Variants in IGF2R observed in about 807,000 individuals in gnomAD.
IGF2R encodes cation-independent mannose-6-phosphate receptor.
A neutral mutation model predicts 270.6 loss-of-function variants in IGF2R; 91 were observed. The observed-to-expected ratio is 0.34, with a 90% CI of 0.28 to 0.40. The LOEUF (loss-of-function observed/expected upper bound fraction) is 0.40. Among genes scored for constraint, IGF2R ranks in the 10% least tolerant of loss-of-function variants. The probability of loss-of-function intolerance (pLI) is 1.00; values close to 1 mark genes in which losing one functional copy is unlikely to be tolerated. For missense variants in IGF2R, 2,805 were observed against 3,188.3 expected (o/e 0.88, Z 2.90); for synonymous variants, 1,316 against 1,258.9 (o/e 1.05, Z -0.96).
At chr6:160,103,936 A>G in intron 47 of IGF2R, 121 bp downstream of exon 47, 1 of 657,830 alleles carries the variant, frequency 1.5e-6, no homozygotes, top group Non-Finnish European at 2.7e-6. Flanking sequence ...GAATCCAGAA[A>G]GGAAAGCAAC....
chr6:160,062,940 G>A (rs1198681380), intron 26 of IGF2R, among the ~76,000 whole-genome samples: 2 of 137,062 alleles, frequency 1.5e-5, no homozygotes, highest in Non-Finnish European at 3.2e-5. Context: ...CTAGAAAGCT[G>A]TTTGCCAGGC....
intron 1 of IGF2R, among the ~76,000 whole-genome samples, chr6:159,974,648 A>G (rs766699610): frequency 6.6e-6 from 1 of 152,180 alleles, no homozygotes; most frequent in Non-Finnish European, 1.5e-5. Context: ...TATCCTGGGC[A>G]TTGTAGGATG....
rs1282269664 is a variant in IGF2R at position 160,105,704 on chromosome 6, G to C, written c.*620G>C. 4 of 152,854 alleles carry C rather than the reference G, an allele frequency of 2.6e-5. No individual in the cohort carries two copies. Among genetic ancestry groups the C allele is most frequent in the Non-Finnish European group, 4.4e-5 (3 of 68,314 alleles). 9.5% of individuals were successfully genotyped at this position (152,854 alleles called of 1,614,324 possible). A position where few individuals can be genotyped will look rare whatever the true frequency, so the allele number is the denominator to read the frequency against. ...CTGTTTCTTAAGGGCACACACACGTGCGTGCGAGCACACACACACATACGT... is the reference window on the plus strand; with the variant it reads ...CTGTTTCTTAAGGGCACACACACGTCCGTGCGAGCACACACACACATACGT... On this transcript the variant is annotated 3_prime_UTR_variant, in exon 48 of 48. Transcript: ENST00000356956.
chr6:159,996,827 T>C (rs1784061063), intron 2 of IGF2R, among the ~76,000 whole-genome samples: 1 of 152,184 alleles, frequency 6.6e-6, no homozygotes, highest in African/African-American at 2.4e-5. Flanking sequence ...AGGAATGCTG[T>C]GGGTCCGTGT....
In IGF2R at chr6:160,057,007, A is replaced by G. The variant is rs183811032; in HGVS notation, c.2796+482A>G. Among the ~76,000 whole-genome samples the G allele has an allele frequency of 1.4e-4, 21 of 152,200 alleles. No individual in the cohort carries two copies. In the East Asian group the frequency reaches 3.9e-3, roughly 28 times the overall value. ...GCCTGTGTGTCTCTCACCTGTGCAT[A>G]GGCCAGAGCCCACAGGTGTTAATGT... On this transcript the variant is annotated intron_variant, in intron 20 of 47. Transcript: ENST00000356956.
chr6:160,099,124 C>T (rs1327461078), intron 45 of IGF2R, among the ~76,000 whole-genome samples: 1 of 152,162 alleles, frequency 6.6e-6, no homozygotes, highest in East Asian at 1.9e-4. Flanking sequence ...TTATTGATGA[C>T]AAGACCCACC....
chr6:160,104,576 G>C, intron 47 of IGF2R, 98 bp from the exon 48 acceptor site: 1 of 1,297,256 alleles, frequency 7.7e-7, no homozygotes, highest in South Asian at 1.4e-5. Context: ...TTCTTCCCCA[G>C]CTCGTGCCAG....
At position 160,064,406 on chromosome 6, in the gene IGF2R, C is replaced by A; in HGVS notation, c.3892C>A (p.Leu1298Met). ...PQGFHKVAGL[L>M]TQKLTYENGL... ...AATGTTCTCCTTCTTTACAGGTCTC[C>A]TGACTCAGAAGCTAACTTATGAAAA... is the stretch of plus-strand genomic sequence containing the variant. Residue 1298 changes from leucine to methionine, a missense_variant, in exon 28 of 48, where the codon CTG becomes ATG. This residue lies in a region of IGF2R where 1,851 missense variants were observed against 2,207.2 expected (regional missense o/e 0.84). Transcript: ENST00000356956. The A allele has an allele frequency of 6.2e-7, 1 of 1,614,136 alleles. No homozygotes were observed. Among genetic ancestry groups the A allele is most frequent in the East Asian group, 2.2e-5 (1 of 44,882 alleles).
chr6:160,021,435 G>A (rs982305462), intron 4 of IGF2R, among the ~76,000 whole-genome samples: 12 of 116,842 alleles, frequency 1.0e-4, no homozygotes, highest in African/African-American at 4.1e-4. Context: ...ACACACCTGG[G>A]ACTGTTGTGG....
chr6:160,072,671 G>A, intron 32 of IGF2R, 94 bp from the exon 33 acceptor site: 1 of 1,410,254 alleles, frequency 7.1e-7, no homozygotes, highest in Admixed American at 1.7e-5. Context: ...AAGTCCCGAT[G>A]CTGACATAAT....
At chr6:160,093,485 CT>C in intron 44 of IGF2R, 1 of 530,056 alleles carries the variant, frequency 1.9e-6, no homozygotes. Context: ...AGGAGACTGG[CT>C]TTTCCCACAG....
chr6:160,104,895 A>G lies in IGF2R; in HGVS notation c.7287A>G (p.Ala2429=). Residue 2429 remains alanine (A), a synonymous_variant, in exon 48 of 48, where the codon GCA becomes GCG. Coordinates refer to ENST00000356956, the MANE Select transcript of IGF2R (RefSeq NM_000876.4). ...VKVHSGRGAG[A]ESSHPVRNAQ... The stretch of plus-strand genomic sequence containing the variant: ...TTCACTCGGGCAGGGGAGCTGGGGC[A>G]GAGAGCTCCCACCCAGTGAGAAACG... The G allele has an allele frequency of 6.2e-7, 1 of 1,614,170 alleles. No individual in the cohort carries two copies. Among genetic ancestry groups the G allele is most frequent in the Non-Finnish European group, 8.5e-7 (1 of 1,180,006 alleles).
In IGF2R at chr6:160,040,715, C is replaced by T. The variant is rs766649241; in HGVS notation, c.1471C>T (p.Arg491Cys). The T allele has an allele frequency of 8.7e-6, 14 of 1,613,344 alleles. No individual in the cohort carries two copies. Among genetic ancestry groups the T allele is most frequent in the East Asian group, 6.7e-5 (3 of 44,868 alleles). The change falls in exon 11 of 48, where the codon CGC becomes TGC. Residue 491 changes from arginine (R) to cysteine (C), a missense_variant. Arg to Cys is a radical substitution (Grantham distance 180, BLOSUM62 -3). This residue lies in a region of IGF2R where 954 missense variants were observed against 981.1 expected (regional missense o/e 0.97). Transcript: ENST00000356956. ...KKRYDLSALV[R>C]HAEPEQNWEA... ...GCGCTATGACCTGTCCGCGCTGGTCCGCCATGCAGGTACTGCCCTCCTTGC... is the reference window on the plus strand; with the variant it reads ...GCGCTATGACCTGTCCGCGCTGGTCTGCCATGCAGGTACTGCCCTCCTTGC...
Position 160,075,903 on chromosome 6 carries a change from C to T in IGF2R, c.5223C>T (p.Tyr1741=). The T allele has an allele frequency of 6.2e-7, 1 of 1,614,158 alleles. No individual in the cohort carries two copies. The highest frequency in any genetic ancestry group is 8.5e-7 in the Non-Finnish European group (1 of 1,179,978). Residue 1741 remains tyrosine (Y), a synonymous_variant, in exon 36 of 48, where the codon TAC becomes TAT. Transcript: ENST00000356956. ...TCAATCCAATAGCAAATGAGATTTA[C>T]TTGAATTTTGAAAGCAGTACTCCTT... ...PILNPIANEI[Y]LNFESSTPCL... is the part of the protein sequence containing the mutation.
chr6:160,096,625 G>A lies in IGF2R; in HGVS notation c.6842G>A (p.Gly2281Glu). The change falls in exon 45 of 48, where the codon GGG becomes GAG. Residue 2281 changes from glycine (G) to glutamate (E), a missense_variant and splice_region_variant. Gly to Glu is a moderately conservative substitution (Grantham distance 98, BLOSUM62 -2). Around this residue, in one of 2 missense-constraint regions of IGF2R, gnomAD observed 1,851 missense variants for 2,207.2 expected, o/e 0.84. Coordinates refer to ENST00000356956, the MANE Select transcript of IGF2R (RefSeq NM_000876.4). The part of the protein sequence containing the change: ...SWYTSAVCPL[G>E]VGFDSENPGD... ...TACACCTCAGCCGTGTGTCCTCTGGGGTGAGTATGACATCCGGAAGCTTAG... is the reference window on the plus strand; with the variant it reads ...TACACCTCAGCCGTGTGTCCTCTGGAGTGAGTATGACATCCGGAAGCTTAG... The A allele has an allele frequency of 6.2e-7, 1 of 1,609,274 alleles. No individual in the cohort carries two copies. Among genetic ancestry groups the A allele is most frequent in the East Asian group, 2.2e-5 (1 of 44,718 alleles).
chr6:159,978,774 G>A (rs1783734522), intron 1 of IGF2R, among the ~76,000 whole-genome samples: 1 of 152,200 alleles, frequency 6.6e-6, no homozygotes, highest in East Asian at 1.9e-4. Context: ...CTCCAGGGTG[G>A]GGAAAATCCC....
intron 2 of IGF2R, chr6:160,003,155 T>C (rs1438750454): frequency 1.3e-5 from 2 of 152,240 alleles, no homozygotes; most frequent in African/African-American, 4.8e-5. Flanking sequence ...GATTTGATAG[T>C]GTCTGATTCT....
intron 32 of IGF2R, 147 bp downstream of exon 32, chr6:160,072,183 C>G (rs1475717658): frequency 4.3e-6 from 4 of 931,104 alleles, no homozygotes; most frequent in African/African-American, 1.6e-5. Flanking sequence ...GTGTGTTTGG[C>G]CTTTCTCTGG....
At chr6:160,058,763 A>G (rs1257566341) in intron 21 of IGF2R, 143 bp from the exon 22 acceptor site, 6 of 691,824 alleles carry the variant, frequency 8.7e-6, no homozygotes, top group Admixed American at 8.4e-5. Flanking sequence ...CTGTACTAAC[A>G]TGCCAGAAAG....
Sources: gnomAD v4.1 joint callset for allele counts (sites outside exome capture counted in the v4.1 genomes callset) on GRCh38, gnomAD v4.1.1 for gene constraint, gnomAD v4.1.1 regional missense constraint, MANE v1.5 for transcripts, NCBI Gene and HGNC (gene_info 2026-07-23, HGNC 2026-07-21) for gene names.